Variants in ABCA13 observed in about 807,000 individuals in gnomAD.
The protein encoded by ABCA13 is ATP binding cassette subfamily A member 13, also known as ATP-binding cassette sub-family A member 13.
Under a neutral mutation model 478.7 loss-of-function variants are expected in ABCA13, and 476 were observed. That is an observed-to-expected ratio of 0.99 (90% CI 0.92 to 1.07). The LOEUF (loss-of-function observed/expected upper bound fraction) is 1.07. Among genes scored for constraint, ABCA13 ranks in the 50% least tolerant of loss-of-function variants. ABCA13 has a pLI of 0.00. For missense variants in ABCA13, 6,060 were observed against 5,910.6 expected (o/e 1.03, Z -0.83); for synonymous variants, 2,252 against 2,158.9 (o/e 1.04, Z -1.20).
intron 5 of ABCA13, among the ~76,000 whole-genome samples, 155 bp downstream of exon 5, chr7:48,221,464 A>C (rs1787351585): frequency 6.6e-6 from 1 of 152,230 alleles, no homozygotes; most frequent in South Asian, 2.1e-4. Context: ...AGGTCTTTGT[A>C]GATACGGGCT....
At chr7:48,351,372 A>G (rs1808961112) in intron 30 of ABCA13, among the ~76,000 whole-genome samples, 1 of 152,238 alleles carries the variant, frequency 6.6e-6, no homozygotes, top group Non-Finnish European at 1.5e-5. Flanking sequence ...TTGCTGTAAC[A>G]AAGTATCGCA....
At chr7:48,467,253 C>G (rs1273073651) in intron 44 of ABCA13, among the ~76,000 whole-genome samples, 1 of 152,030 alleles carries the variant, frequency 6.6e-6, no homozygotes. Flanking sequence ...CATAATTACC[C>G]CCTTTCTCCC....
chr7:48,472,178 G>C (rs1178446998), intron 45 of ABCA13, among the ~76,000 whole-genome samples: 3 of 152,138 alleles, frequency 2.0e-5, no homozygotes, highest in African/African-American at 7.2e-5. Context: ...GCATAGACCT[G>C]CTAGCCACAA....
At chr7:48,334,050 C>T (rs558904797) in intron 27 of ABCA13, among the ~76,000 whole-genome samples, 3 of 152,160 alleles carry the variant, frequency 2.0e-5, no homozygotes, top group Admixed American at 6.5e-5. Flanking sequence ...AGAGAGGCAG[C>T]CCAGCTAGGC....
intron 2 of ABCA13, among the ~76,000 whole-genome samples, chr7:48,194,325 G>A (rs1797641433): frequency 6.7e-6 from 1 of 149,838 alleles, no homozygotes. Context: ...AGATGATGGT[G>A]GAGATAATGA....
chr7:48,204,578 G>C (rs564693932), intron 3 of ABCA13, among the ~76,000 whole-genome samples: 1 of 152,286 alleles, frequency 6.6e-6, no homozygotes, highest in Admixed American at 6.5e-5. Context: ...CAGGGAGAAG[G>C]ATTCCTTCTG....
rs1832744033 is a variant in ABCA13 at position 48,524,250 on chromosome 7, G to A, written c.14054G>A (p.Gly4685Asp). 1 of 1,610,066 alleles carries A rather than the reference G, an allele frequency of 6.2e-7. No individual in the cohort carries two copies. Among genetic ancestry groups the A allele is most frequent in the East Asian group, 2.2e-5 (1 of 44,658 alleles). Residue 4685 changes from glycine (G) to aspartate (D), a missense_variant and splice_region_variant, in exon 54 of 62, where the codon GGT (glycine) becomes GAT (aspartate). This residue lies in a region of ABCA13 where 1,627 missense variants were observed against 1,571.0 expected (regional missense o/e 1.04). Transcript: ENST00000435803. Reference protein sequence around the residue: ...LHWDLLRWPRGHSTLQGTVKS... With the variant: ...LHWDLLRWPRDHSTLQGTVKS... Reference sequence around the variant, plus strand: ...TCACTCTGATTTCATCTTCCCAGGGGTCATTCTACTCTCCAAGGCACAGTC... The same window carrying A: ...TCACTCTGATTTCATCTTCCCAGGGATCATTCTACTCTCCAAGGCACAGTC...
chr7:48,590,982 C>T (rs111439447), intron 57 of ABCA13, among the ~76,000 whole-genome samples: 1 of 151,996 alleles, frequency 6.6e-6, no homozygotes, highest in Admixed American at 6.6e-5. Context: ...GAAATAGTCC[C>T]ACTTTATGTT....
At chr7:48,370,764 T>A (rs1483655002) in intron 32 of ABCA13, among the ~76,000 whole-genome samples, 1 of 152,100 alleles carries the variant, frequency 6.6e-6, no homozygotes, top group South Asian at 2.1e-4. Context: ...ACGTTAAATA[T>A]CTACATCAAA....
At chr7:48,409,022 G>A (rs980837321) in intron 39 of ABCA13, among the ~76,000 whole-genome samples, 2 of 152,200 alleles carry the variant, frequency 1.3e-5, no homozygotes, top group Non-Finnish European at 2.9e-5. Context: ...ATGGGTTACA[G>A]TGTGATGTTT....
At chr7:48,458,031 A>T (rs1825857048) in intron 43 of ABCA13, among the ~76,000 whole-genome samples, 1 of 152,150 alleles carries the variant, frequency 6.6e-6, no homozygotes, top group Admixed American at 6.5e-5. Context: ...CTTGTTAGGA[A>T]TTCTCCACTG....
chr7:48,546,532 C>G (rs752849092), intron 55 of ABCA13, among the ~76,000 whole-genome samples: 3 of 151,456 alleles, frequency 2.0e-5, no homozygotes, highest in African/African-American at 7.3e-5. Flanking sequence ...GTTAGATTAT[C>G]AGACAATTAA....
intron 25 of ABCA13, 60 bp from the exon 26 acceptor site, chr7:48,314,172 G>T: frequency 6.5e-7 from 1 of 1,535,298 alleles, no homozygotes; most frequent in Non-Finnish European, 8.9e-7. Flanking sequence ...TTTCAGAAGT[G>T]TGTGAAGGAA....
chr7:48,531,299 G>C (rs770458556), intron 55 of ABCA13, among the ~76,000 whole-genome samples: 1 of 152,096 alleles, frequency 6.6e-6, no homozygotes, highest in African/African-American at 2.4e-5. Flanking sequence ...TCAGTTGGCT[G>C]TGAGTATTTG....
intron 20 of ABCA13, among the ~76,000 whole-genome samples, chr7:48,289,317 G>T (rs1031268835): frequency 1.3e-5 from 2 of 149,648 alleles, no homozygotes; most frequent in African/African-American, 2.5e-5. Context: ...TCTTTGTCAG[G>T]TATTAAATGT....
Position 48,278,222 on chromosome 7 carries a change from C to T in ABCA13, c.7028C>T (p.Ser2343Leu). The T allele has an allele frequency of 1.9e-6, 3 of 1,605,644 alleles. No individual in the cohort carries two copies. The Admixed American group carries it at 5.1e-5, about 27-fold the overall frequency. ...ACTATATATCACCTAATGAAAAGTT[C>T]ATTTATATTAGACAATGGAGAATTT... is the stretch of plus-strand genomic sequence containing the variant. ...KETIYHLMKS[S>L]FILDNGEFYF... The change falls in exon 18 of 62, where the codon TCA (serine) becomes TTA (leucine). Residue 2343 changes from serine (S) to leucine (L), a missense_variant. Around this residue, in one of 3 missense-constraint regions of ABCA13, gnomAD observed 4,423 missense variants for 4,309.1 expected, o/e 1.03. Transcript: ENST00000435803.
At chr7:48,344,161 A>G (rs1223253204) in intron 29 of ABCA13, among the ~76,000 whole-genome samples, 2 of 152,162 alleles carry the variant, frequency 1.3e-5, no homozygotes, top group Non-Finnish European at 2.9e-5. Context: ...TTTGTCCTCT[A>G]AGGGATGTGT....
intron 59 of ABCA13, among the ~76,000 whole-genome samples, chr7:48,626,268 C>T (rs1020919348): frequency 7.2e-5 from 11 of 152,166 alleles, no homozygotes; most frequent in Admixed American, 5.2e-4. Context: ...GAAGAATGCA[C>T]ACACATTGTT....
intron 6 of ABCA13, among the ~76,000 whole-genome samples, chr7:48,229,050 G>A (rs372805147): frequency 4.7e-4 from 72 of 152,168 alleles, no homozygotes; most frequent in African/African-American, 6.0e-4. Flanking sequence ...CCTGGGATAC[G>A]CTTCAATACA....
Sources: allele counts gnomAD v4.1 joint callset (sites outside exome capture counted in the v4.1 genomes callset), GRCh38; gene constraint gnomAD v4.1.1; regional missense constraint gnomAD v4.1.1; transcripts MANE v1.5; gene names NCBI Gene and HGNC (gene_info 2026-07-23, HGNC 2026-07-21).